The following CARD8 variants were observed in gnomAD, a reference collection of about 807,000 sequenced individuals.
CARD8 encodes the protein caspase recruitment domain family member 8.
Under a neutral mutation model 53.2 loss-of-function variants are expected in CARD8, and 38 were observed. That is an observed-to-expected ratio of 0.71 (90% CI 0.55 to 0.94). The LOEUF (loss-of-function observed/expected upper bound fraction) is 0.94. Among genes scored for constraint, CARD8 ranks in the 40% least tolerant of loss-of-function variants. The probability of loss-of-function intolerance (pLI) is 0.00; values close to 1 mark genes in which losing one functional copy is unlikely to be tolerated. For synonymous variants in CARD8, 245 were observed against 244.9 expected, an observed-to-expected ratio of 1.00 and a Z score of 0.00; for missense variants, 561 against 655.5, an observed-to-expected ratio of 0.86 and a Z score of 1.57.
intron 12 of CARD8, among the ~76,000 whole-genome samples, chr19:48,216,200 A>C (rs925785934): frequency 6.6e-6 from 1 of 152,146 alleles, no homozygotes. Context: ...AAAAGTAAAC[A>C]ATGTAAAAAT....
At chr19:48,231,905 G>A (rs1405689036) in intron 7 of CARD8, 95 bp from the exon 8 acceptor site, 1 of 1,084,404 alleles carries the variant, frequency 9.2e-7, no homozygotes, top group East Asian at 2.4e-5. Context: ...GTGCTGTTGG[G>A]ATACAGATAT....
rs190999057 is a variant in CARD8 at position 48,244,566 on chromosome 19, T to C, written c.-43-3503A>G. Among the ~76,000 whole-genome samples the C allele has an allele frequency of 1.9e-4, 29 of 152,056 alleles. 1 individual carries two copies. In the East Asian group the frequency reaches 2.7e-3, roughly 14 times the overall value. Reference sequence around the variant, plus strand: ...AGCTGTGAGGTCTGGGCAGGTAGAGTGGAGGCTGAGCAGGAGATAAATGTG... The same window carrying C: ...AGCTGTGAGGTCTGGGCAGGTAGAGCGGAGGCTGAGCAGGAGATAAATGTG... On this transcript the variant is annotated intron_variant, in intron 3 of 13. Transcript: ENST00000651546.
Position 48,217,215 on chromosome 19 carries a change from C to T in CARD8, c.1303+1656G>A, listed in dbSNP as rs192064836. 6.9e-4 allele frequency among the ~76,000 whole-genome samples: 105 copies of T among 152,264 alleles called. 1 individual carries two copies. In the East Asian group the frequency reaches 0.016, roughly 24 times the overall value. The stretch of plus-strand genomic sequence containing the variant: ...GTCCACTCACCTCCTCTGTGCAACC[C>T]GGTTTCTAACGGGCCACAGACCGGT... On this transcript the variant is annotated intron_variant, in intron 12 of 13. Coordinates refer to ENST00000651546, the MANE Select transcript of CARD8 (RefSeq NM_001184900.3).
intron 3 of CARD8, among the ~76,000 whole-genome samples, chr19:48,243,418 T>A (rs575599406): frequency 2.4e-4 from 36 of 152,352 alleles, no homozygotes; most frequent in African/African-American, 8.2e-4. Context: ...ATATGCATAA[T>A]AATCACTCAC....
intron 10 of CARD8, among the ~76,000 whole-genome samples, chr19:48,227,290 C>T (rs979413979): frequency 6.6e-6 from 1 of 152,006 alleles, no homozygotes. Flanking sequence ...GGGAGGTTGG[C>T]GGTTCCAAGT....
chr19:48,224,428 T>G (rs1175503398), intron 10 of CARD8, among the ~76,000 whole-genome samples: 1 of 151,900 alleles, frequency 6.6e-6, no homozygotes, highest in Non-Finnish European at 1.5e-5. Context: ...TGTGTATGTG[T>G]ATTAATATGT....
At position 48,254,640 on chromosome 19, in the gene CARD8, C is replaced by A. The variant is rs2047352493; in HGVS notation, c.-252+1152G>T. ...TGGTGGTGGGCACCTGTAGTCGCAG[C>A]TACTCGGGAGGCTGAGGCAGGAGAG... On this transcript the variant is annotated intron_variant, in intron 1 of 13. Transcript: ENST00000651546. Among the ~76,000 whole-genome samples the A allele has an allele frequency of 2.0e-5, 3 of 152,008 alleles. 1 individual carries two copies. In the South Asian group the frequency reaches 6.2e-4, roughly 31 times the overall value.
At chr19:48,206,317 G>A (rs916773389), downstream of CARD8, 1 of 388,606 alleles carries the variant, frequency 2.6e-6, no homozygotes, top group African/African-American at 2.1e-5. Flanking sequence ...GTAGCAGCTA[G>A]CCACATGTGG....
intron 13 of CARD8, among the ~76,000 whole-genome samples, chr19:48,213,332 A>C (rs894037904): frequency 6.6e-6 from 1 of 151,908 alleles, no homozygotes; most frequent in African/African-American, 2.4e-5. Flanking sequence ...TAGATGATGG[A>C]AACTTGGTCC....
intron 11 of CARD8, among the ~76,000 whole-genome samples, chr19:48,220,749 T>G (rs2040335824): frequency 6.6e-6 from 1 of 151,854 alleles, no homozygotes; most frequent in Admixed American, 6.6e-5. Flanking sequence ...CCGTCTCTAC[T>G]AAAAATAAAA....
Position 48,231,083 on chromosome 19 carries a change from G to A in CARD8, c.543-77C>T, listed in dbSNP as rs866080829. The stretch of plus-strand genomic sequence containing the variant: ...TAAGCAGCGATGTGCAGAGGGAGGT[G>A]GGATTTGAAGTGAGGCAAGGTTCAG... On this transcript the variant is annotated intron_variant, in intron 8 of 13. Transcript: ENST00000651546. 1.1e-5 allele frequency: 13 copies of A among 1,212,878 alleles called. No homozygotes were observed. The Middle Eastern group carries it at 9.8e-4, about 91-fold the overall frequency. The allele number at this position is 1,212,878 out of a possible 1,614,324, so 75.1% of individuals were successfully genotyped here. A position where few individuals can be genotyped will look rare whatever the true frequency, so the allele number is the denominator to read the frequency against.
intron 4 of CARD8, 64 bp downstream of exon 4, chr19:48,240,898 G>T: frequency 8.1e-7 from 1 of 1,239,352 alleles, no homozygotes; most frequent in Non-Finnish European, 1.1e-6. Context: ...TGTATCTCAT[G>T]AACTATAACG....
rs1042517253 is a variant in CARD8, at chr19:48,210,534, T to C, written c.*1176A>G. ...TGATGGGTTTTAAGATACAGAAAGA[T>C]TATGTAGAAGATAACTATATCCTAG... On this transcript the variant is annotated 3_prime_UTR_variant, in exon 14 of 14. Coordinates refer to ENST00000651546, the MANE Select transcript of CARD8 (RefSeq NM_001184900.3). 6.6e-5 allele frequency: 10 copies of C among 151,268 alleles called. No homozygotes were observed. The highest frequency in any genetic ancestry group is 1.3e-4 in the Non-Finnish European group (9 of 67,990). The allele number at this position is 151,268 out of a possible 1,614,324, so 9.4% of individuals were successfully genotyped here.
rs1458456285 is a variant in CARD8, at chr19:48,210,984, C to T, written c.*726G>A. The T allele has an allele frequency of 6.6e-6, 1 of 152,214 alleles. No homozygotes were observed. The highest frequency in any genetic ancestry group is 2.4e-5 in the African/African-American group (1 of 41,412). 9.4% of individuals were successfully genotyped at this position (152,214 alleles called of 1,614,324 possible). A position where few individuals can be genotyped will look rare whatever the true frequency, so the allele number is the denominator to read the frequency against. ...GTCTGTCTCAGAATAAGCTGAATTA[C>T]CCTCATTTTCTTTTTGGTGGTTCTG... On this transcript the variant is annotated 3_prime_UTR_variant, in exon 14 of 14. Coordinates refer to ENST00000651546, the MANE Select transcript of CARD8 (RefSeq NM_001184900.3).
intron 10 of CARD8, among the ~76,000 whole-genome samples, chr19:48,224,778 T>C (rs1018708682): frequency 4.9e-5 from 7 of 141,952 alleles, no homozygotes; most frequent in African/African-American, 1.3e-4. Context: ...TTTTTTGAGA[T>C]GGAGTCTCGC....
chr19:48,229,930 T>C (rs1404705336), intron 10 of CARD8, among the ~76,000 whole-genome samples: 8 of 152,282 alleles, frequency 5.3e-5, no homozygotes, highest in African/African-American at 1.9e-4. Flanking sequence ...CTGGCCAACA[T>C]GGTGAAACCC....
chr19:48,220,965 G>GGAAGGAAGGAAGGAAT, intron 11 of CARD8, among the ~76,000 whole-genome samples: 1 of 81,210 alleles, frequency 1.2e-5, no homozygotes, highest in African/African-American at 5.0e-5. Flanking sequence ...AAGGAAGGAA[G>GGAAGGAAGGAAGGAAT]GAAGGAAGGA....
chr19:48,247,596 A>G (rs2146976262), intron 3 of CARD8, among the ~76,000 whole-genome samples: 1 of 152,124 alleles, frequency 6.6e-6, no homozygotes, highest in South Asian at 2.1e-4. Context: ...ATATATATAT[A>G]CAGTAACACC....
In CARD8 at chr19:48,218,353, C is replaced by CT. The variant is rs770280304; in HGVS notation, c.1303+517dup. On this transcript the variant is annotated intron_variant, in intron 12 of 13. Transcript: ENST00000651546. ...GCACGCATTAGCTATTTATCTTCTT[C>CT]TTTTTTTTTTTTTTTTTTTTTCAGA... is the stretch of plus-strand genomic sequence containing the variant. 8.5e-4 allele frequency among the ~76,000 whole-genome samples: 93 copies of CT among 109,028 alleles called. 1 individual carries two copies. The highest frequency in any genetic ancestry group is 1.8e-3 in the African/African-American group (52 of 28,962). The allele number at this position is 109,028 out of a possible 152,430, so 71.5% of individuals were successfully genotyped here.
Sources: allele counts gnomAD v4.1 joint callset (sites outside exome capture counted in the v4.1 genomes callset), GRCh38; gene constraint gnomAD v4.1.1; transcripts MANE v1.5; gene names NCBI Gene and HGNC (gene_info 2026-07-23, HGNC 2026-07-21).